MAGI2: variants seen among roughly 807,000 people sequenced by gnomAD.
MAGI2 encodes membrane-associated guanylate kinase, WW and PDZ domain-containing protein 2.
Under a neutral mutation model 133.3 loss-of-function variants are expected in MAGI2, and 35 were observed. That is an observed-to-expected ratio of 0.26 (90% CI 0.20 to 0.35). The LOEUF is 0.35. MAGI2 is among the 10% of genes least tolerant of loss of function. The pLI is 1.00. For synonymous variants in MAGI2, 729 were observed against 710.6 expected, an observed-to-expected ratio of 1.03 and a Z score of -0.41; for missense variants, 1,636 against 1,863.4, an observed-to-expected ratio of 0.88 and a Z score of 2.25.
At chr7:79,021,974 A>G (rs1312357871) in intron 1 of MAGI2, among the ~76,000 whole-genome samples, 3 of 152,152 alleles carry the variant, frequency 2.0e-5, no homozygotes, top group African/African-American at 7.2e-5. Flanking sequence ...AGTTCTCTCA[A>G]GATCTGATGG....
intron 20 of MAGI2, among the ~76,000 whole-genome samples, chr7:78,124,637 C>T (rs1012055160): frequency 6.6e-6 from 1 of 151,962 alleles, no homozygotes; most frequent in Non-Finnish European, 1.5e-5. Context: ...CTTAAAGAGG[C>T]AGGAGGGAGG....
rs753642066 is a variant in MAGI2 at position 78,824,439 on chromosome 7, T to C, written c.418+182651A>G. 5.2e-4 allele frequency among the ~76,000 whole-genome samples: 79 copies of C among 152,324 alleles called. No individual in the cohort carries two copies. The Middle Eastern group carries it at 0.01, about 20-fold the overall frequency. Reference sequence around the variant, plus strand: ...TTCTCCATAGCCTCACCAACATCTGTTCTTTCCTGACTTTTTAATATTCGC... The same window carrying C: ...TTCTCCATAGCCTCACCAACATCTGCTCTTTCCTGACTTTTTAATATTCGC... On this transcript the variant is annotated intron_variant, in intron 2 of 21. Transcript: ENST00000354212.
chr7:78,037,094 G>A (rs1810312398), intron 21 of MAGI2, among the ~76,000 whole-genome samples: 1 of 152,120 alleles, frequency 6.6e-6, no homozygotes. Flanking sequence ...AAGAACCAGT[G>A]CCCCCAAGGC....
intron 3 of MAGI2, among the ~76,000 whole-genome samples, chr7:78,601,869 C>T (rs1805242920): frequency 6.6e-6 from 1 of 152,068 alleles, no homozygotes; most frequent in Non-Finnish European, 1.5e-5. Flanking sequence ...GGGTGGTTTC[C>T]ATCAGCACAC....
chr7:78,755,462 T>C (rs888483817), intron 2 of MAGI2, among the ~76,000 whole-genome samples: 1 of 152,226 alleles, frequency 6.6e-6, no homozygotes, highest in African/African-American at 2.4e-5. Flanking sequence ...TCAAAGAGTC[T>C]ATGGGCTTAA....
chr7:78,728,581 T>G (rs1411822686), intron 2 of MAGI2, among the ~76,000 whole-genome samples: 10 of 59,214 alleles, frequency 1.7e-4, no homozygotes, highest in African/African-American at 6.8e-4. Context: ...TTTTTTTTTT[T>G]TTGAGACGGA....
At chr7:78,550,564 G>C (rs756378128) in intron 3 of MAGI2, among the ~76,000 whole-genome samples, 4 of 152,126 alleles carry the variant, frequency 2.6e-5, no homozygotes, top group Non-Finnish European at 5.9e-5. Flanking sequence ...TTAATACCTG[G>C]ACCTTGGAAT....
chr7:78,757,932 C>T (rs925885971), intron 2 of MAGI2, among the ~76,000 whole-genome samples: 1 of 152,182 alleles, frequency 6.6e-6, no homozygotes, highest in African/African-American at 2.4e-5. Flanking sequence ...ATACACCCAG[C>T]TGCCTACTTG....
chr7:78,949,598 C>T (rs1185089307), intron 2 of MAGI2, among the ~76,000 whole-genome samples: 1 of 152,098 alleles, frequency 6.6e-6, no homozygotes, highest in Admixed American at 6.6e-5. Flanking sequence ...TCTATATTTA[C>T]CTAGTTTCTG....
chr7:78,544,089 C>T (rs2150678265), intron 3 of MAGI2, among the ~76,000 whole-genome samples: 1 of 152,316 alleles, frequency 6.6e-6, no homozygotes, highest in South Asian at 2.1e-4. Flanking sequence ...AATTACAGCT[C>T]TTCCGACAAG....
intron 10 of MAGI2, among the ~76,000 whole-genome samples, chr7:78,224,902 A>C (rs1466205097): frequency 6.6e-6 from 1 of 152,024 alleles, no homozygotes; most frequent in East Asian, 1.9e-4. Flanking sequence ...GCATTCCTCC[A>C]TGTTCTCAGG....
At chr7:79,422,897 T>G (rs920132785) in intron 1 of MAGI2, among the ~76,000 whole-genome samples, 4 of 152,050 alleles carry the variant, frequency 2.6e-5, no homozygotes, top group Non-Finnish European at 4.4e-5. Context: ...GCACTCAAAA[T>G]GATTTTCTCT....
intron 2 of MAGI2, among the ~76,000 whole-genome samples, chr7:78,685,491 C>T (rs7797738): frequency 0.022 from 3,230 of 148,128 alleles, 121 homozygotes; most frequent in African/African-American, 0.076. Flanking sequence ...AACAGCCCCA[C>T]GAGTAAAATC....
At chr7:78,906,804 ACACACATATGTATATATGTGTATG>A (rs1474146075) in intron 2 of MAGI2, among the ~76,000 whole-genome samples, 1 of 152,192 alleles carries the variant, frequency 6.6e-6, no homozygotes, top group Non-Finnish European at 1.5e-5. Context: ...ACACACACAT[ACACACATATGTATATATGTGTATG>A]CACACATATA....
chr7:78,403,579 T>A (rs1006381313), intron 6 of MAGI2, among the ~76,000 whole-genome samples: 4 of 152,308 alleles, frequency 2.6e-5, no homozygotes, highest in African/African-American at 9.6e-5. Flanking sequence ...TGCCACACTG[T>A]CTTCCACAAT....
intron 3 of MAGI2, among the ~76,000 whole-genome samples, chr7:78,531,292 C>A (rs992827757): frequency 1.3e-5 from 2 of 150,706 alleles, no homozygotes; most frequent in African/African-American, 4.9e-5. Context: ...TGGCTCACTG[C>A]AATCTCTGCC....
chr7:78,654,696 CATATATGTATATAT>C (rs1811943086), intron 2 of MAGI2, among the ~76,000 whole-genome samples: 2 of 78,902 alleles, frequency 2.5e-5, no homozygotes, highest in African/African-American at 1.1e-4. Flanking sequence ...TGTACTTTTA[CATATATGTATATAT>C]ATATATATAT....
chr7:78,102,553 C>A (rs1409489698), intron 20 of MAGI2, among the ~76,000 whole-genome samples: 1 of 152,144 alleles, frequency 6.6e-6, no homozygotes, highest in Non-Finnish European at 1.5e-5. Flanking sequence ...TTCCCCCTTT[C>A]CCCCACAAAA....
At chr7:78,417,733 T>C (rs1291548191) in intron 6 of MAGI2, among the ~76,000 whole-genome samples, 1 of 152,166 alleles carries the variant, frequency 6.6e-6, no homozygotes, top group Non-Finnish European at 1.5e-5. Context: ...ATTTTAATGA[T>C]TAAGAAATAG....
Sources: allele counts gnomAD v4.1 joint callset (sites outside exome capture counted in the v4.1 genomes callset), GRCh38; gene constraint gnomAD v4.1.1; transcripts MANE v1.5; gene names NCBI Gene and HGNC (gene_info 2026-07-23, HGNC 2026-07-21).